Variants in PAPSS2 observed in about 807,000 individuals in gnomAD.
PAPSS2 encodes bifunctional 3'-phosphoadenosine 5'-phosphosulfate synthase 2.
In PAPSS2, 61 loss-of-function variants were observed where a neutral mutation model predicts 66.5. The observed-to-expected ratio is 0.92, with a 90% CI of 0.75 to 1.14. PAPSS2 has a LOEUF of 1.14. Among genes scored for constraint, PAPSS2 ranks in the 50% most tolerant of loss-of-function variants. The probability of loss-of-function intolerance (pLI) is 0.00; values close to 1 mark genes in which losing one functional copy is unlikely to be tolerated. For missense variants in PAPSS2, 708 were observed against 789.6 expected (o/e 0.90, Z 1.24); for synonymous variants, 289 against 287.5 (o/e 1.01, Z -0.05).
chr10:87,659,890 T>G lies in PAPSS2; in HGVS notation c.-92T>G. 1 of 1,282,194 alleles carries G rather than the reference T, an allele frequency of 7.8e-7. No individual in the cohort carries two copies. Among genetic ancestry groups the G allele is most frequent in the Non-Finnish European group, 1.1e-6 (1 of 885,116 alleles). The allele number at this position is 1,282,194 out of a possible 1,614,324, so 79.4% of individuals were successfully genotyped here. ...CCGGGAGTCCGGCAGCCGCTGCTGC[T>G]GCTGCTGCTGCTGCTGCCGCCGCCG... On this transcript the variant is annotated 5_prime_UTR_variant, in exon 1 of 13. Transcript: ENST00000456849.
intron 1 of PAPSS2, among the ~76,000 whole-genome samples, chr10:87,676,896 AAAAAAAAAAAAAAAAG>A (rs1473940354): frequency 4.1e-5 from 6 of 145,278 alleles, no homozygotes; most frequent in Admixed American, 6.8e-5. Flanking sequence ...AAAAAAAAAA[AAAAAAAAAAAAAAAAG>A]GCCGGATGCA....
Position 87,727,471 on chromosome 10 carries a change from A to G in PAPSS2, c.1068A>G (p.Thr356=), listed in dbSNP as rs1217912536. 2 of 1,613,130 alleles carry G rather than the reference A, an allele frequency of 1.2e-6. No homozygotes were observed. The highest frequency in any genetic ancestry group is 3.3e-4 in the Middle Eastern group (2 of 6,062). ...RCSRVWGTTC[T]KHPHIKMVME... is the part of the protein sequence containing the mutation. The stretch of plus-strand genomic sequence containing the variant: ...CCCGTGTTTGGGGGACAACATGTAC[A>G]AAACACCCCCATATCAAAGTAAGTC... Residue 356 remains threonine, a synonymous_variant, in exon 9 of 13, where the codon ACA becomes ACG. Coordinates refer to ENST00000456849, the MANE Select transcript of PAPSS2 (RefSeq NM_001015880.2).
intron 7 of PAPSS2, among the ~76,000 whole-genome samples, chr10:87,718,328 G>A (rs1853556507): frequency 6.6e-6 from 1 of 152,152 alleles, no homozygotes; most frequent in Non-Finnish European, 1.5e-5. Flanking sequence ...ACGGTACCCT[G>A]CCAACCCATT....
chr10:87,732,895 G>T (rs1039821949), intron 9 of PAPSS2, among the ~76,000 whole-genome samples: 2 of 152,166 alleles, frequency 1.3e-5, no homozygotes, highest in African/African-American at 4.8e-5. Flanking sequence ...GGAGCTAATG[G>T]TGAGAAATGA....
intron 1 of PAPSS2, among the ~76,000 whole-genome samples, chr10:87,697,399 C>A (rs373648925): frequency 2.6e-4 from 39 of 152,138 alleles, no homozygotes; most frequent in Non-Finnish European, 5.0e-4. Flanking sequence ...GTACCCACTG[C>A]GGAAGGGTGA....
At position 87,736,329 on chromosome 10, in the gene PAPSS2, G is replaced by A. The variant is rs538121824; in HGVS notation, c.1087-4906G>A. On this transcript the variant is annotated intron_variant, in intron 9 of 12. Coordinates refer to ENST00000456849, the MANE Select transcript of PAPSS2 (RefSeq NM_001015880.2). ...GTTGCCCAGGCTGGAGTGCAGTGGC[G>A]AGACCCCGGCTCACTGCAACCTCCG... Among the ~76,000 whole-genome samples, 31 of 144,738 alleles carry A rather than the reference G, an allele frequency of 2.1e-4. 1 individual carries two copies. In the South Asian group the frequency reaches 4.8e-3, roughly 23 times the overall value. 95.0% of individuals were successfully genotyped at this position (144,738 alleles called of 152,430 possible). A position where few individuals can be genotyped will look rare whatever the true frequency, so the allele number is the denominator to read the frequency against.
chr10:87,676,872 C>CAAAAAAAAAAAAAAAAA (rs71019493), intron 1 of PAPSS2, among the ~76,000 whole-genome samples: 1 of 31,340 alleles, frequency 3.2e-5, no homozygotes, highest in African/African-American at 1.1e-4. Flanking sequence ...GACCCTGTCT[C>CAAAAAAAAAAAAAAAAA]AAAAAAAAAA....
chr10:87,691,375 C>T (rs560515583), intron 1 of PAPSS2, among the ~76,000 whole-genome samples: 1 of 152,168 alleles, frequency 6.6e-6, no homozygotes, highest in Admixed American at 6.5e-5. Context: ...TCTGGTGTTC[C>T]CATCTGGTGA....
intron 1 of PAPSS2, among the ~76,000 whole-genome samples, chr10:87,685,692 T>A (rs940660254): frequency 1.3e-5 from 2 of 151,978 alleles, no homozygotes; most frequent in East Asian, 1.9e-4. Flanking sequence ...TCAAAAAAAA[T>A]TTTATTTTTT....
chr10:87,706,140 G>GTGTGTA (rs1304990011), intron 1 of PAPSS2, among the ~76,000 whole-genome samples: 5 of 113,236 alleles, frequency 4.4e-5, no homozygotes, highest in African/African-American at 1.9e-4. Flanking sequence ...GTGTGTGTGT[G>GTGTGTA]TATATATATA....
intron 1 of PAPSS2, among the ~76,000 whole-genome samples, chr10:87,670,417 C>T (rs1206624805): frequency 2.6e-5 from 4 of 152,136 alleles, no homozygotes; most frequent in Admixed American, 6.6e-5. Flanking sequence ...AAGGTATGTT[C>T]CTTGGTGTTT....
intron 9 of PAPSS2, among the ~76,000 whole-genome samples, chr10:87,731,000 A>G (rs1474548209): frequency 6.6e-6 from 1 of 152,256 alleles, no homozygotes; most frequent in Non-Finnish European, 1.5e-5. Context: ...TACACTAACA[A>G]CAGATTTTCA....
At chr10:87,694,405 T>C (rs1446984664) in intron 1 of PAPSS2, among the ~76,000 whole-genome samples, 1 of 152,192 alleles carries the variant, frequency 6.6e-6, no homozygotes, top group Admixed American at 6.5e-5. Context: ...CCACAGGATC[T>C]CATAGCTACA....
At chr10:87,734,965 A>T (rs1362289582) in intron 9 of PAPSS2, among the ~76,000 whole-genome samples, 1 of 151,584 alleles carries the variant, frequency 6.6e-6, no homozygotes, top group Non-Finnish European at 1.5e-5. Flanking sequence ...GAGCCTATTT[A>T]TCATAGCTTT....
At position 87,729,231 on chromosome 10, in the gene PAPSS2, C is replaced by CT. The variant is rs201619180; in HGVS notation, c.1086+1746dup. 1.0e-3 allele frequency among the ~76,000 whole-genome samples: 116 copies of CT among 110,808 alleles called. 1 individual carries two copies. The highest frequency in any genetic ancestry group is 4.1e-3 in the African/African-American group (110 of 27,056). The allele number at this position is 110,808 out of a possible 152,430, so 72.7% of individuals were successfully genotyped here. A position where few individuals can be genotyped will look rare whatever the true frequency, so the allele number is the denominator to read the frequency against. On this transcript the variant is annotated intron_variant, in intron 9 of 12. Transcript: ENST00000456849. ...ATCGTGCTTCACAGATTTTGCTTTT[C>CT]TTTTCTTTTTTTTTTTTAACAAATT...
intron 1 of PAPSS2, among the ~76,000 whole-genome samples, chr10:87,704,578 C>T (rs1456331964): frequency 7.5e-6 from 1 of 133,666 alleles, no homozygotes; most frequent in Non-Finnish European, 1.5e-5. Flanking sequence ...AATGCAGCAG[C>T]ATTGAGCAAT....
intron 11 of PAPSS2, among the ~76,000 whole-genome samples, chr10:87,744,067 A>G (rs1244691344): frequency 6.6e-6 from 1 of 152,086 alleles, no homozygotes; most frequent in Non-Finnish European, 1.5e-5. Flanking sequence ...ATGCCACTGC[A>G]CTCCAGCCTG....
intron 1 of PAPSS2, among the ~76,000 whole-genome samples, chr10:87,705,563 T>C (rs1479649808): frequency 2.0e-5 from 3 of 152,222 alleles, no homozygotes; most frequent in Non-Finnish European, 2.9e-5. Flanking sequence ...ACATGTTTGC[T>C]GCCATTAGAT....
chr10:87,737,543 C>T (rs1202946319), intron 9 of PAPSS2, among the ~76,000 whole-genome samples: 1 of 152,116 alleles, frequency 6.6e-6, no homozygotes, highest in East Asian at 1.9e-4. Flanking sequence ...CTCCCGCGGT[C>T]AGGCATGGTG....
Sources: gnomAD v4.1 joint callset for allele counts (sites outside exome capture counted in the v4.1 genomes callset) on GRCh38, gnomAD v4.1.1 for gene constraint, MANE v1.5 for transcripts, NCBI Gene and HGNC (gene_info 2026-07-23, HGNC 2026-07-21) for gene names.